The following COL25A1 variants were observed in gnomAD, a reference collection of about 807,000 sequenced individuals.
COL25A1 encodes the protein collagen alpha-1(XXV) chain.
Under a neutral mutation model 128.4 loss-of-function variants are expected in COL25A1, and 103 were observed. That is an observed-to-expected ratio of 0.80 (90% CI 0.68 to 0.94). The LOEUF (loss-of-function observed/expected upper bound fraction) is 0.94, where lower values mean the gene tolerates loss of function less well. COL25A1 is among the 40% of genes least tolerant of loss of function. The pLI, the probability that COL25A1 is intolerant of heterozygous loss-of-function variation, is 0.00. For missense variants in COL25A1, 745 were observed against 840.0 expected (o/e 0.89, Z 1.40); for synonymous variants, 279 against 277.2 (o/e 1.01, Z -0.06).
At chr4:109,163,053 C>T (rs996592449) in intron 3 of COL25A1, among the ~76,000 whole-genome samples, 1 of 152,036 alleles carries the variant, frequency 6.6e-6, no homozygotes, top group African/African-American at 2.4e-5. Context: ...TAAAGTTCAC[C>T]TCCTTATGTT....
At chr4:109,050,064 A>C in intron 4 of COL25A1, 71 bp downstream of exon 4, 1 of 1,242,964 alleles carries the variant, frequency 8.0e-7, no homozygotes, top group Non-Finnish European at 1.2e-6. Context: ...TATTATCATT[A>C]ATTAGGAAGA....
At chr4:109,086,272 G>GA (rs1223577386) in intron 3 of COL25A1, among the ~76,000 whole-genome samples, 2 of 152,186 alleles carry the variant, frequency 1.3e-5, no homozygotes, top group Non-Finnish European at 2.9e-5. Flanking sequence ...AAAGGATGCT[G>GA]AGTGTTTAGC....
intron 3 of COL25A1, among the ~76,000 whole-genome samples, chr4:109,151,064 G>A (rs944213517): frequency 6.6e-6 from 1 of 151,950 alleles, no homozygotes; most frequent in Non-Finnish European, 1.5e-5. Context: ...CTTCAACTGC[G>A]TAAAAGTAAA....
intron 3 of COL25A1, among the ~76,000 whole-genome samples, chr4:109,142,409 G>A (rs1173269333): frequency 6.6e-6 from 1 of 152,196 alleles, no homozygotes; most frequent in Non-Finnish European, 1.5e-5. Context: ...TTGGGGTGGA[G>A]AGTTCTGTAG....
chr4:109,247,421 G>A (rs1272992258), intron 3 of COL25A1, among the ~76,000 whole-genome samples: 1 of 152,112 alleles, frequency 6.6e-6, no homozygotes, highest in African/African-American at 2.4e-5. Context: ...TGTCAGGTAA[G>A]GAAAAGTGAA....
At chr4:109,035,642 A>G (rs17039680) in intron 5 of COL25A1, among the ~76,000 whole-genome samples, 28,672 of 152,002 alleles carry the variant, frequency 0.19, 3,489 homozygotes, top group East Asian at 0.46. Context: ...CTCCTTCTCA[A>G]TGATGAATAG....
chr4:108,982,667 C>T (rs1251685058), intron 6 of COL25A1, among the ~76,000 whole-genome samples: 3 of 152,124 alleles, frequency 2.0e-5, no homozygotes, highest in African/African-American at 7.2e-5. Context: ...AGACTTTACA[C>T]CTTTCAGTGT....
chr4:108,928,711 G>A (rs1560879687), intron 11 of COL25A1, among the ~76,000 whole-genome samples: 8 of 151,922 alleles, frequency 5.3e-5, no homozygotes, highest in Admixed American at 5.2e-4. Context: ...ACTAATTTTT[G>A]TTTTTGTTTG....
chr4:108,983,242 A>C (rs553238725), intron 6 of COL25A1, among the ~76,000 whole-genome samples: 1 of 152,128 alleles, frequency 6.6e-6, no homozygotes, highest in Non-Finnish European at 1.5e-5. Context: ...ATGGTGAAAG[A>C]CTTGGAATCC....
At chr4:108,938,673 G>A (rs879899508) in intron 10 of COL25A1, among the ~76,000 whole-genome samples, 4 of 152,090 alleles carry the variant, frequency 2.6e-5, no homozygotes, top group African/African-American at 4.8e-5. Context: ...TGGCTAACAT[G>A]GTGAAACCCT....
intron 5 of COL25A1, among the ~76,000 whole-genome samples, chr4:109,042,610 T>C (rs191456411): frequency 1.3e-5 from 2 of 152,214 alleles, no homozygotes; most frequent in Non-Finnish European, 2.9e-5. Flanking sequence ...GATAATACCC[T>C]GCTATTATAG....
At chr4:109,227,525 A>C (rs1778886636) in intron 3 of COL25A1, among the ~76,000 whole-genome samples, 1 of 152,230 alleles carries the variant, frequency 6.6e-6, no homozygotes, top group Non-Finnish European at 1.5e-5. Flanking sequence ...TTGTAACTAT[A>C]AACTGTCCAT....
At chr4:109,277,240 T>C (rs1266460158) in intron 3 of COL25A1, among the ~76,000 whole-genome samples, 2 of 152,170 alleles carry the variant, frequency 1.3e-5, no homozygotes, top group African/African-American at 4.8e-5. Flanking sequence ...ATTAAAAACT[T>C]CAATAGAATT....
At chr4:109,030,261 C>A (rs143076071) in intron 5 of COL25A1, among the ~76,000 whole-genome samples, 111 of 152,310 alleles carry the variant, frequency 7.3e-4, no homozygotes, top group African/African-American at 2.5e-3. Context: ...TGACTCCCTG[C>A]CCCTTCTGGT....
intron 3 of COL25A1, among the ~76,000 whole-genome samples, chr4:109,278,569 T>C (rs946107787): frequency 2.0e-5 from 3 of 152,222 alleles, no homozygotes; most frequent in Non-Finnish European, 4.4e-5. Context: ...AATGTATTCT[T>C]ATGAAAATTT....
chr4:109,141,922 C>T (rs905384022), intron 3 of COL25A1, among the ~76,000 whole-genome samples: 2 of 152,224 alleles, frequency 1.3e-5, no homozygotes, highest in Middle Eastern at 3.4e-3. Flanking sequence ...ATGTCTCTAT[C>T]TACTTCAGTT....
At chr4:109,216,652 C>T (rs1778021286) in intron 3 of COL25A1, among the ~76,000 whole-genome samples, 1 of 152,144 alleles carries the variant, frequency 6.6e-6, no homozygotes, top group Non-Finnish European at 1.5e-5. Context: ...CTATCATAAA[C>T]TGTAAGAGGC....
intron 3 of COL25A1, among the ~76,000 whole-genome samples, chr4:109,156,232 T>C (rs953223104): frequency 6.6e-6 from 1 of 152,192 alleles, no homozygotes; most frequent in Admixed American, 6.6e-5. Flanking sequence ...AAAGGAACTT[T>C]CTCAAGCACG....
chr4:108,838,112 G>A (rs1350286549), intron 31 of COL25A1: 8 of 1,547,898 alleles, frequency 5.2e-6, no homozygotes, highest in Non-Finnish European at 7.0e-6. Context: ...AGACCAAGGG[G>A]TCCTCTGTCA....
Sources: gnomAD v4.1 joint callset for allele counts (sites outside exome capture counted in the v4.1 genomes callset) on GRCh38, gnomAD v4.1.1 for gene constraint, MANE v1.5 for transcripts, NCBI Gene and HGNC (gene_info 2026-07-23, HGNC 2026-07-21) for gene names.